Variants in PPFIA1 observed in about 807,000 individuals in gnomAD.
PPFIA1 encodes liprin-alpha-1.
Under a neutral mutation model 149.9 loss-of-function variants are expected in PPFIA1, and 25 were observed. The ratio of observed to expected loss-of-function variants is 0.17; its 90% CI spans 0.12 to 0.23. The LOEUF is 0.23. Ranked by LOEUF, PPFIA1 falls within the 10% of genes least tolerant of loss-of-function variation. The pLI, the probability that PPFIA1 is intolerant of heterozygous loss-of-function variation, is 1.00. For synonymous variants in PPFIA1, 549 were observed against 552.8 expected, an observed-to-expected ratio of 0.99 and a Z score of 0.10; for missense variants, 1,362 against 1,506.5, an observed-to-expected ratio of 0.90 and a Z score of 1.59.
At chr11:70,348,888 AT>A (rs965597410) in intron 16 of PPFIA1, among the ~76,000 whole-genome samples, 24 of 152,256 alleles carry the variant, frequency 1.6e-4, no homozygotes, top group African/African-American at 5.8e-4. Flanking sequence ...ATCCCAAAAA[AT>A]ATAAAAAAAA....
At position 70,378,214 on chromosome 11, in the gene PPFIA1, T is replaced by C. The variant is rs1391741348; in HGVS notation, c.3550+19T>C. On this transcript the variant is annotated intron_variant, in intron 26 of 27. Transcript: ENST00000253925. ...ATGGACGGTATGTGATGGGTCACAC[T>C]AACCTGTCACTTGTTGGGAGCATGA... 6.2e-7 allele frequency: 1 copy of C among 1,604,362 alleles called. No individual in the cohort carries two copies. The highest frequency in any genetic ancestry group is 2.2e-5 in the East Asian group (1 of 44,684).
At chr11:70,301,973 T>A (rs2052514537) in intron 2 of PPFIA1, among the ~76,000 whole-genome samples, 1 of 152,236 alleles carries the variant, frequency 6.6e-6, no homozygotes, top group South Asian at 2.1e-4. Flanking sequence ...TTCCTTGTTG[T>A]GGCTTGGGGT....
intron 2 of PPFIA1, among the ~76,000 whole-genome samples, chr11:70,305,284 T>A (rs1347651742): frequency 2.0e-5 from 3 of 152,172 alleles, no homozygotes; most frequent in Non-Finnish European, 4.4e-5. Flanking sequence ...GTGATAGAAC[T>A]CTAGGTGGGA....
chr11:70,354,312 C>A lies in PPFIA1; in HGVS notation c.2175C>A (p.Ser725=). The change falls in exon 17 of 28, where the codon TCC becomes TCA. Residue 725 remains serine (S), a synonymous_variant. Coordinates refer to ENST00000253925, the MANE Select transcript of PPFIA1 (RefSeq NM_003626.5). The part of the protein sequence containing the change: ...RLGVMTLLPP[S]REEVRDDKTT... ...CTCTCACCCCTCAGTTGCCACCTTCCAGAGAAGAGGTACGAGATGACAAGA... is the reference window on the plus strand; with the variant it reads ...CTCTCACCCCTCAGTTGCCACCTTCAAGAGAAGAGGTACGAGATGACAAGA... 6.2e-7 allele frequency: 1 copy of A among 1,612,862 alleles called. No individual in the cohort carries two copies. Among genetic ancestry groups the A allele is most frequent in the Non-Finnish European group, 8.5e-7 (1 of 1,179,484 alleles).
At chr11:70,361,424 G>A (rs1195543792) in intron 19 of PPFIA1, among the ~76,000 whole-genome samples, 1 of 152,066 alleles carries the variant, frequency 6.6e-6, no homozygotes, top group African/African-American at 2.4e-5. Context: ...CTGTTGTACT[G>A]TATTGGTTTT....
chr11:70,356,100 A>G, intron 18 of PPFIA1, 61 bp from the exon 19 acceptor site: 1 of 1,337,214 alleles, frequency 7.5e-7, no homozygotes, highest in Non-Finnish European at 1.1e-6. Flanking sequence ...CTGCCTATTT[A>G]TGAAAACATA....
rs760928436 is a variant in PPFIA1 at position 70,382,045 on chromosome 11, G to C, written c.3551-43G>C. ...CTCATGTGATGTTCTAAGACTAACTGCACGCTGTGTTTGCACGCTTCCTCT... is the reference window on the plus strand; with the variant it reads ...CTCATGTGATGTTCTAAGACTAACTCCACGCTGTGTTTGCACGCTTCCTCT... On this transcript the variant is annotated intron_variant, in intron 26 of 27. Transcript: ENST00000253925. 4 of 1,580,414 alleles carry C rather than the reference G, an allele frequency of 2.5e-6. No homozygotes were observed. In the South Asian group the frequency reaches 4.5e-5, roughly 18 times the overall value.
At chr11:70,370,989 C>T (rs1426727255) in intron 21 of PPFIA1, among the ~76,000 whole-genome samples, 4 of 151,900 alleles carry the variant, frequency 2.6e-5, no homozygotes, top group African/African-American at 4.8e-5. Context: ...AAAAATTAGT[C>T]AGGTGTGGTG....
intron 21 of PPFIA1, chr11:70,365,810 G>A: frequency 2.6e-6 from 1 of 389,204 alleles, no homozygotes. Flanking sequence ...AGTTTTGCAT[G>A]ATGCTTTGAT....
At chr11:70,297,719 C>T (rs1264550558) in intron 2 of PPFIA1, among the ~76,000 whole-genome samples, 1 of 152,198 alleles carries the variant, frequency 6.6e-6, no homozygotes. Context: ...GTTTGGAGGA[C>T]ACTGGTTAGC....
chr11:70,318,013 C>T (rs2053734848), intron 2 of PPFIA1, among the ~76,000 whole-genome samples: 1 of 152,132 alleles, frequency 6.6e-6, no homozygotes, highest in Non-Finnish European at 1.5e-5. Flanking sequence ...TATTACCCTC[C>T]CAGCCCTGCC....
rs551691762 is a variant in PPFIA1 at position 70,303,981 on chromosome 11, G to A, written c.265-20421G>A. On this transcript the variant is annotated intron_variant, in intron 2 of 27. Transcript: ENST00000253925. ...AGATCGCGCCACTGCACTCCAGCCT[G>A]GGAGATAGCGAGACTTCGTCTCAAA... 7.7e-4 allele frequency among the ~76,000 whole-genome samples: 117 copies of A among 152,236 alleles called. 1 individual carries two copies. The highest frequency in any genetic ancestry group is 5.6e-4 in the Non-Finnish European group (38 of 68,016).
chr11:70,359,933 T>C (rs1292345063), intron 19 of PPFIA1, among the ~76,000 whole-genome samples: 3 of 152,226 alleles, frequency 2.0e-5, no homozygotes, highest in Non-Finnish European at 2.9e-5. Flanking sequence ...ACAGGGGCCT[T>C]CTTCCCGTGA....
intron 21 of PPFIA1, among the ~76,000 whole-genome samples, chr11:70,369,215 C>G (rs1844330191): frequency 6.6e-6 from 1 of 152,094 alleles, no homozygotes; most frequent in Non-Finnish European, 1.5e-5. Context: ...CAAATCTTGT[C>G]AAATGCTTTT....
intron 14 of PPFIA1, among the ~76,000 whole-genome samples, chr11:70,339,546 C>G (rs553034203): frequency 6.7e-6 from 1 of 150,310 alleles, no homozygotes; most frequent in South Asian, 2.1e-4. Flanking sequence ...TCTTGAACTC[C>G]TGGCCTCACA....
intron 21 of PPFIA1, among the ~76,000 whole-genome samples, chr11:70,363,684 C>A (rs2056777555): frequency 6.6e-6 from 1 of 151,876 alleles, no homozygotes; most frequent in Non-Finnish European, 1.5e-5. Flanking sequence ...CAGCTAATTT[C>A]TAAAAACTTC....
intron 7 of PPFIA1, among the ~76,000 whole-genome samples, chr11:70,328,617 T>G (rs781411423): frequency 3.9e-5 from 6 of 152,182 alleles, no homozygotes. Flanking sequence ...TCTGGGTTGG[T>G]ATTTCCATCT....
chr11:70,283,966 T>A, intron 2 of PPFIA1: 1 of 530,984 alleles, frequency 1.9e-6, no homozygotes, highest in South Asian at 1.4e-5. Flanking sequence ...TTTTCTCAAG[T>A]ATTGCTGTTA....
intron 8 of PPFIA1, among the ~76,000 whole-genome samples, chr11:70,331,702 C>T (rs1235201282): frequency 6.6e-6 from 1 of 151,864 alleles, no homozygotes. Context: ...ATTGCTTGAA[C>T]TCAGGAGGTG....
Sources: gnomAD v4.1 joint callset for allele counts (sites outside exome capture counted in the v4.1 genomes callset) on GRCh38, gnomAD v4.1.1 for gene constraint, MANE v1.5 for transcripts, NCBI Gene and HGNC (gene_info 2026-07-23, HGNC 2026-07-21) for gene names.